PCOLCE2: variants seen among roughly 807,000 people sequenced by gnomAD.
PCOLCE2 encodes procollagen C-proteinase enhancer 2.
A neutral mutation model predicts 47.0 loss-of-function variants in PCOLCE2; 42 were observed. The ratio of observed to expected loss-of-function variants is 0.89; its 90% CI spans 0.70 to 1.16. The LOEUF (loss-of-function observed/expected upper bound fraction) is 1.16, where lower values mean the gene tolerates loss of function less well. PCOLCE2 is among the 50% of genes most tolerant of loss of function. The pLI, the probability that PCOLCE2 is intolerant of heterozygous loss-of-function variation, is 0.00. For missense variants in PCOLCE2, 500 were observed against 526.1 expected (o/e 0.95, Z 0.49); for synonymous variants, 169 against 191.7 (o/e 0.88, Z 0.98).
intron 5 of PCOLCE2, among the ~76,000 whole-genome samples, chr3:142,837,378 A>C (rs2108191627): frequency 6.6e-6 from 1 of 152,340 alleles, no homozygotes; most frequent in East Asian, 1.9e-4. Flanking sequence ...CTTCTCCAAT[A>C]TATTCATCTG....
In PCOLCE2 at chr3:142,823,398, T is replaced by C; in HGVS notation, c.949+134A>G. On this transcript the variant is annotated intron_variant, in intron 7 of 8. Coordinates refer to ENST00000295992, the MANE Select transcript of PCOLCE2 (RefSeq NM_013363.4). Reference sequence around the variant, plus strand: ...CTAACAATTTGACCATTCTGGTGTATAGGCAAGTATTTTCTTGGATAAATG... The same window carrying C: ...CTAACAATTTGACCATTCTGGTGTACAGGCAAGTATTTTCTTGGATAAATG... 5.0e-6 allele frequency: 3 copies of C among 601,656 alleles called. No individual in the cohort carries two copies. In the East Asian group the frequency reaches 8.2e-5, roughly 16 times the overall value. 37.3% of individuals were successfully genotyped at this position (601,656 alleles called of 1,614,324 possible). A position where few individuals can be genotyped will look rare whatever the true frequency, so the allele number is the denominator to read the frequency against.
At chr3:142,867,610 A>G (rs941163520) in intron 2 of PCOLCE2, among the ~76,000 whole-genome samples, 1 of 152,210 alleles carries the variant, frequency 6.6e-6, no homozygotes, top group African/African-American at 2.4e-5. Flanking sequence ...ACATGAAAAA[A>G]GAGTTCAATC....
intron 3 of PCOLCE2, among the ~76,000 whole-genome samples, chr3:142,845,931 C>T (rs1937324081): frequency 6.6e-6 from 1 of 152,062 alleles, no homozygotes; most frequent in East Asian, 1.9e-4. Flanking sequence ...GCCGAGATAG[C>T]ACCACTGCAC....
chr3:142,860,093 C>T (rs1255940991), intron 2 of PCOLCE2, among the ~76,000 whole-genome samples: 1 of 152,138 alleles, frequency 6.6e-6, no homozygotes, highest in African/African-American at 2.4e-5. Context: ...AAAAGTATGT[C>T]CATAGTTTTT....
intron 2 of PCOLCE2, chr3:142,864,302 T>G (rs950036878): frequency 2.0e-5 from 3 of 152,144 alleles, no homozygotes; most frequent in African/African-American, 4.8e-5. Flanking sequence ...TATGCTGTGG[T>G]TTTTCAATTC....
At chr3:142,837,748 G>A (rs11713111) in intron 5 of PCOLCE2, among the ~76,000 whole-genome samples, 26,402 of 152,138 alleles carry the variant, frequency 0.17, 2,646 homozygotes, top group Non-Finnish European at 0.23. Context: ...TTATATAAAT[G>A]CAGTTACATA....
intron 2 of PCOLCE2, 123 bp from the exon 3 acceptor site, chr3:142,848,595 T>A: frequency 1.2e-6 from 1 of 859,802 alleles, no homozygotes. Flanking sequence ...CTCTCTCATA[T>A]CTGAACTAAC....
intron 3 of PCOLCE2, among the ~76,000 whole-genome samples, chr3:142,846,274 C>T (rs1041537114): frequency 3.3e-5 from 5 of 152,180 alleles, no homozygotes; most frequent in Non-Finnish European, 7.3e-5. Context: ...TCTCGGCTCC[C>T]TGCAACCTCT....
chr3:142,859,552 C>A (rs1036512105), intron 2 of PCOLCE2, among the ~76,000 whole-genome samples: 1 of 151,232 alleles, frequency 6.6e-6, no homozygotes, highest in African/African-American at 2.4e-5. Context: ...CTAATTTTTT[C>A]TTTTCTTTCT....
intron 8 of PCOLCE2, 133 bp downstream of exon 8, chr3:142,820,745 T>G: frequency 3.0e-6 from 2 of 660,422 alleles, no homozygotes; most frequent in Middle Eastern, 4.3e-4. Context: ...AGCCCAATTC[T>G]GCCTGACTCC....
chr3:142,873,674 A>AT (rs1933442172), intron 2 of PCOLCE2, among the ~76,000 whole-genome samples: 1 of 152,176 alleles, frequency 6.6e-6, no homozygotes, highest in Non-Finnish European at 1.5e-5. Context: ...TGGAATGTTC[A>AT]CCTATACTGG....
chr3:142,886,969 C>A (rs1361974643), intron 2 of PCOLCE2, among the ~76,000 whole-genome samples: 1 of 152,084 alleles, frequency 6.6e-6, no homozygotes, highest in African/African-American at 2.4e-5. Flanking sequence ...TTCCCAACAA[C>A]GAAAAAGTGA....
chr3:142,822,166 C>T (rs1262520764), intron 7 of PCOLCE2, among the ~76,000 whole-genome samples: 2 of 152,096 alleles, frequency 1.3e-5, no homozygotes, highest in Non-Finnish European at 2.9e-5. Flanking sequence ...ATCCACCTGC[C>T]TCGGCCTCCA....
At chr3:142,828,721 AT>A (rs1937112778) in intron 6 of PCOLCE2, among the ~76,000 whole-genome samples, 1 of 152,212 alleles carries the variant, frequency 6.6e-6, no homozygotes, top group Admixed American at 6.5e-5. Flanking sequence ...CATGCTTGCG[AT>A]TTCAGAGAAA....
chr3:142,823,632 C>A lies in PCOLCE2; in HGVS notation c.866-17G>T, dbSNP rs376860826. On this transcript the variant is annotated splice_polypyrimidine_tract_variant and intron_variant, in intron 6 of 8. Transcript: ENST00000295992. Reference sequence around the variant, plus strand: ...GTTTTAAACCTTAATTCAAAGAAGACATAAGTTTCACGAAAAATGAATTCA... The same window carrying A: ...GTTTTAAACCTTAATTCAAAGAAGAAATAAGTTTCACGAAAAATGAATTCA... The A allele has an allele frequency of 1.4e-6, 2 of 1,474,786 alleles. No individual in the cohort carries two copies. Among genetic ancestry groups the A allele is most frequent in the Non-Finnish European group, 1.9e-6 (2 of 1,061,172 alleles). The allele number at this position is 1,474,786 out of a possible 1,614,324, so 91.4% of individuals were successfully genotyped here.
intron 2 of PCOLCE2, among the ~76,000 whole-genome samples, chr3:142,874,260 G>A (rs1052908660): frequency 6.6e-6 from 1 of 152,194 alleles, no homozygotes; most frequent in Non-Finnish European, 1.5e-5. Flanking sequence ...ATTTTTAGTA[G>A]AGATGGGGTT....
At chr3:142,875,593 T>C (rs1256118486) in intron 2 of PCOLCE2, among the ~76,000 whole-genome samples, 2 of 152,200 alleles carry the variant, frequency 1.3e-5, no homozygotes, top group Admixed American at 1.3e-4. Context: ...CTGATGGAAG[T>C]ACTCTGAACA....
intron 6 of PCOLCE2, among the ~76,000 whole-genome samples, chr3:142,827,921 G>C (rs1937103699): frequency 6.6e-6 from 1 of 152,152 alleles, no homozygotes. Context: ...AGCTGTGCAA[G>C]CCCGGGACCT....
At chr3:142,845,770 T>C (rs1481832124) in intron 3 of PCOLCE2, among the ~76,000 whole-genome samples, 1 of 152,102 alleles carries the variant, frequency 6.6e-6, no homozygotes, top group Non-Finnish European at 1.5e-5. Flanking sequence ...AGGTCAGGAG[T>C]TCGAAACCAG....
Sources: allele counts gnomAD v4.1 joint callset (sites outside exome capture counted in the v4.1 genomes callset), GRCh38; gene constraint gnomAD v4.1.1; transcripts MANE v1.5; gene names NCBI Gene and HGNC (gene_info 2026-07-23, HGNC 2026-07-21).